Variants in TENM2 observed in about 807,000 individuals in gnomAD.
The protein encoded by TENM2 is teneurin transmembrane protein 2.
A neutral mutation model predicts 245.2 loss-of-function variants in TENM2; 52 were observed. The observed-to-expected ratio is 0.21, with a 90% confidence interval of 0.17 to 0.27. The LOEUF (loss-of-function observed/expected upper bound fraction) is 0.27. Among genes scored for constraint, TENM2 ranks in the 10% least tolerant of loss-of-function variants. TENM2 has a pLI of 1.00. For synonymous variants in TENM2, 1,363 were observed against 1,438.9 expected (o/e 0.95, Z 1.19); for missense variants, 3,046 against 3,666.8 (o/e 0.83, Z 4.37).
chr5:167,860,497 A>G (rs1317770412), intron 2 of TENM2, among the ~76,000 whole-genome samples: 5 of 125,532 alleles, frequency 4.0e-5, no homozygotes, highest in African/African-American at 1.7e-4. Context: ...CCCTACTGGG[A>G]AGTGAGGAGC....
chr5:167,510,459 G>A (rs1769864712), intron 2 of TENM2, among the ~76,000 whole-genome samples: 1 of 152,164 alleles, frequency 6.6e-6, no homozygotes, highest in South Asian at 2.1e-4. Flanking sequence ...ATTGCTCTTG[G>A]AAGAACACTT....
intron 2 of TENM2, among the ~76,000 whole-genome samples, chr5:167,476,317 T>C (rs1197489701): frequency 3.3e-5 from 5 of 152,226 alleles, no homozygotes; most frequent in African/African-American, 9.6e-5. Context: ...GTTTCAATGG[T>C]CTTTTTCCTT....
intron 2 of TENM2, among the ~76,000 whole-genome samples, chr5:167,533,827 T>G (rs963982622): frequency 2.6e-5 from 4 of 152,046 alleles, no homozygotes; most frequent in African/African-American, 9.7e-5. Flanking sequence ...GAAAGGAAGA[T>G]CTAGATGTGT....
At chr5:167,839,163 C>T (rs1260085963) in intron 2 of TENM2, among the ~76,000 whole-genome samples, 1 of 152,138 alleles carries the variant, frequency 6.6e-6, no homozygotes, top group Non-Finnish European at 1.5e-5. Context: ...TTTACTGGTT[C>T]CTCTGCTTCT....
At chr5:167,323,325 A>G (rs369525022) in intron 1 of TENM2, among the ~76,000 whole-genome samples, 125 of 152,348 alleles carry the variant, frequency 8.2e-4, no homozygotes, top group African/African-American at 2.9e-3. Flanking sequence ...TTGAACTGAC[A>G]TCGTCCTAAC....
intron 2 of TENM2, among the ~76,000 whole-genome samples, chr5:167,838,612 T>G (rs143333147): frequency 2.6e-4 from 40 of 152,288 alleles, no homozygotes; most frequent in African/African-American, 8.7e-4. Flanking sequence ...TTACTCTTAT[T>G]TCCCTCACCT....
intron 1 of TENM2, among the ~76,000 whole-genome samples, chr5:167,315,974 G>A (rs1367963939): frequency 2.6e-5 from 4 of 152,166 alleles, no homozygotes; most frequent in Non-Finnish European, 5.9e-5. Flanking sequence ...CCTGGAACAA[G>A]TCTGTTAGCA....
intron 4 of TENM2, among the ~76,000 whole-genome samples, chr5:167,983,273 C>A (rs1389069032): frequency 1.3e-5 from 2 of 151,946 alleles, no homozygotes; most frequent in East Asian, 3.9e-4. Flanking sequence ...CTCGAGAGAC[C>A]TTGCCTGTCA....
chr5:167,070,166 G>T, the TENM2 span, among the ~76,000 whole-genome samples: 3 of 136,078 alleles, frequency 2.2e-5, no homozygotes, highest in African/African-American at 8.3e-5. Context: ...CGCCCAGGCT[G>T]GAGTGCAGGG....
intron 2 of TENM2, among the ~76,000 whole-genome samples, chr5:167,788,793 A>G (rs1008686265): frequency 6.6e-6 from 1 of 152,136 alleles, no homozygotes; most frequent in Non-Finnish European, 1.5e-5. Context: ...CTTCCTCTCC[A>G]TTCAGCCATG....
intron 25 of TENM2, among the ~76,000 whole-genome samples, chr5:168,236,277 C>G (rs1267514343): frequency 6.6e-6 from 1 of 152,144 alleles, no homozygotes; most frequent in Non-Finnish European, 1.5e-5. Flanking sequence ...ATAGCTTATT[C>G]CGGTCATCTG....
rs58825054 is a variant in TENM2, at chr5:168,156,247, T to TAAAAAAAAAAAA, written c.2423-6356_2423-6345dup. Among the ~76,000 whole-genome samples, 49 of 80,796 alleles carry TAAAAAAAAAAAA rather than the reference T, an allele frequency of 6.1e-4. 1 individual carries two copies. The highest frequency in any genetic ancestry group is 0.015 in the Middle Eastern group (1 of 66). 53.0% of individuals were successfully genotyped at this position (80,796 alleles called of 152,430 possible). A position where few individuals can be genotyped will look rare whatever the true frequency, so the allele number is the denominator to read the frequency against. ...ACCAGGTTAAGGTTTTCCCCATAGT[T>TAAAAAAAAAAAA]AAAAAAAAAAAAAAAAAAACACTTT... On this transcript the variant is annotated intron_variant, in intron 12 of 28. Coordinates refer to ENST00000518659, the Ensembl canonical transcript of TENM2.
At chr5:167,596,126 T>C (rs1776191971) in intron 2 of TENM2, among the ~76,000 whole-genome samples, 1 of 152,184 alleles carries the variant, frequency 6.6e-6, no homozygotes, top group African/African-American at 2.4e-5. Flanking sequence ...TGTTAGATGG[T>C]TCAACAACTA....
chr5:168,021,524 G>C (rs1786142551), intron 5 of TENM2, among the ~76,000 whole-genome samples: 1 of 152,076 alleles, frequency 6.6e-6, no homozygotes. Flanking sequence ...CTTTATCCTG[G>C]TATCCACGTT....
At chr5:168,177,603 G>T (rs1474277763) in intron 13 of TENM2, among the ~76,000 whole-genome samples, 1 of 152,232 alleles carries the variant, frequency 6.6e-6, no homozygotes, top group Non-Finnish European at 1.5e-5. Flanking sequence ...TTGGGAGGCT[G>T]AGGCAGGAGG....
intron 2 of TENM2, among the ~76,000 whole-genome samples, chr5:167,807,561 G>A (rs912601868): frequency 2.6e-5 from 4 of 151,816 alleles, no homozygotes; most frequent in African/African-American, 9.7e-5. Context: ...TTGATTTGAT[G>A]TGCTATCATT....
chr5:167,089,870 T>C, the TENM2 span, among the ~76,000 whole-genome samples: 1 of 152,102 alleles, frequency 6.6e-6, no homozygotes, highest in Admixed American at 6.6e-5. Flanking sequence ...GTAGGTTAGA[T>C]AGGAGCTCAG....
At chr5:167,420,881 C>T (rs1281032340) in intron 2 of TENM2, among the ~76,000 whole-genome samples, 2 of 152,122 alleles carry the variant, frequency 1.3e-5, no homozygotes, top group Non-Finnish European at 2.9e-5. Flanking sequence ...ATATGTTGCA[C>T]ACACTCAAAA....
chr5:167,484,989 A>G (rs374008742), intron 2 of TENM2, among the ~76,000 whole-genome samples: 2 of 152,258 alleles, frequency 1.3e-5, no homozygotes, highest in East Asian at 3.8e-4. Context: ...TAAATTCGTG[A>G]CCAGTATTCT....
Sources: gnomAD v4.1 joint callset for allele counts (sites outside exome capture counted in the v4.1 genomes callset) on GRCh38, gnomAD v4.1.1 for gene constraint, MANE v1.5 for transcripts, NCBI Gene and HGNC (gene_info 2026-07-23, HGNC 2026-07-21) for gene names.